The following ASB5 variants were observed in gnomAD, a reference collection of about 807,000 sequenced individuals.
ASB5 encodes the protein ankyrin repeat and SOCS box protein 5.
Under a neutral mutation model 42.1 loss-of-function variants are expected in ASB5, and 45 were observed. The observed-to-expected ratio is 1.07, with a 90% CI of 0.84 to 1.37. The LOEUF (loss-of-function observed/expected upper bound fraction) is 1.37. Among genes scored for constraint, ASB5 ranks in the 40% most tolerant of loss-of-function variants. The pLI, the probability that ASB5 is intolerant of heterozygous loss-of-function variation, is 0.00. For synonymous variants in ASB5, 147 were observed against 150.6 expected, an observed-to-expected ratio of 0.98 and a Z score of 0.18; for missense variants, 402 against 399.8, an observed-to-expected ratio of 1.01 and a Z score of -0.05.
chr4:176,250,829 G>A (rs1026755132), intron 1 of ASB5, among the ~76,000 whole-genome samples: 2 of 152,198 alleles, frequency 1.3e-5, no homozygotes, highest in African/African-American at 2.4e-5. Context: ...AAGATTAAAC[G>A]TGTTTATAAT....
intron 2 of ASB5, among the ~76,000 whole-genome samples, chr4:176,274,909 A>ATTTTTTTTTTTT (rs35690692): frequency 2.8e-5 from 3 of 106,304 alleles, no homozygotes; most frequent in Non-Finnish European, 3.7e-5. Flanking sequence ...CAGCATAGCA[A>ATTTTTTTTTTTT]TTTTTTTTTT....
chr4:176,238,038 G>T (rs1579322442), intron 1 of ASB5, among the ~76,000 whole-genome samples: 1 of 151,844 alleles, frequency 6.6e-6, no homozygotes, highest in Admixed American at 6.6e-5. Context: ...CCTGGCCAAC[G>T]TGGTGAAACC....
intron 1 of ASB5, among the ~76,000 whole-genome samples, chr4:176,263,045 G>C (rs557220047): frequency 4.4e-4 from 67 of 152,300 alleles, no homozygotes; most frequent in African/African-American, 1.5e-3. Flanking sequence ...TATGGGGATG[G>C]ATCTCTCATG....
chr4:176,219,480 A>G (rs867403331), intron 5 of ASB5, among the ~76,000 whole-genome samples: 6 of 73,566 alleles, frequency 8.2e-5, no homozygotes, highest in African/African-American at 2.9e-4. Context: ...TGTATGATAT[A>G]TAAATATATA....
At chr4:176,220,066 G>A (rs1189612680) in intron 5 of ASB5, among the ~76,000 whole-genome samples, 1 of 152,182 alleles carries the variant, frequency 6.6e-6, no homozygotes, top group African/African-American at 2.4e-5. Flanking sequence ...AATGTTTTAA[G>A]AAAGTTTATG....
upstream of ASB5, among the ~76,000 whole-genome samples, chr4:176,272,941 CTTTTTT>C (rs60310080): frequency 1.9e-4 from 21 of 110,960 alleles, no homozygotes; most frequent in Non-Finnish European, 1.4e-4. Flanking sequence ...CTTCGATGAC[CTTTTTT>C]TTTTTTTTTT....
chr4:176,221,619 T>TC lies in ASB5; in HGVS notation c.385-20dup. On this transcript the variant is annotated intron_variant, in intron 3 of 6. Coordinates refer to ENST00000296525, the MANE Select transcript of ASB5 (RefSeq NM_080874.4). Reference sequence around the variant, plus strand: ...CATTTACCTAAACCAAACCAAAATATCCAAACATAAGATTCATAAGTCATA... The same window carrying TC: ...CATTTACCTAAACCAAACCAAAATATCCCAAACATAAGATTCATAAGTCATA... 1.9e-6 allele frequency: 3 copies of TC among 1,584,150 alleles called. No individual in the cohort carries two copies. Among genetic ancestry groups the TC allele is most frequent in the Non-Finnish European group, 2.6e-6 (3 of 1,158,938 alleles).
At position 176,215,585 on chromosome 4, in the gene ASB5, A is replaced by G; in HGVS notation, c.*15T>C. 1 of 1,604,636 alleles carries G rather than the reference A, an allele frequency of 6.2e-7. No homozygotes were observed. Among genetic ancestry groups the G allele is most frequent in the Non-Finnish European group, 8.5e-7 (1 of 1,175,896 alleles). ...AAATTTTGATTTTCAAGGTATTTAG[A>G]ATTACTTTACTGTTTTATCGATACT... is the stretch of plus-strand genomic sequence containing the variant. On this transcript the variant is annotated 3_prime_UTR_variant, in exon 7 of 7. Transcript: ENST00000296525.
chr4:176,256,917 G>A (rs1482776568), intron 1 of ASB5, among the ~76,000 whole-genome samples: 2 of 152,084 alleles, frequency 1.3e-5, no homozygotes, highest in Non-Finnish European at 2.9e-5. Flanking sequence ...AAGAAAAAAA[G>A]AAAAGAAAAA....
At chr4:176,256,965 G>A in intron 1 of ASB5, among the ~76,000 whole-genome samples, 1 of 152,178 alleles carries the variant, frequency 6.6e-6, no homozygotes, top group East Asian at 1.9e-4. Flanking sequence ...CCAGCTGGCA[G>A]AAAGGAGCAG....
chr4:176,221,665 A>C (rs367961175), intron 3 of ASB5, 65 bp from the exon 4 acceptor site: 7 of 1,413,596 alleles, frequency 5.0e-6, no homozygotes, highest in East Asian at 2.3e-5. Flanking sequence ...CGACTTAGGC[A>C]TTGTCAAAAG....
At chr4:176,237,683 G>A in intron 1 of ASB5, 1 of 667,814 alleles carries the variant, frequency 1.5e-6, no homozygotes, top group Non-Finnish European at 1.9e-6. Flanking sequence ...GCTGCAGCCG[G>A]AAGTCTTTAA....
chr4:176,241,199 T>C (rs1753804469), intron 1 of ASB5, among the ~76,000 whole-genome samples: 1 of 152,226 alleles, frequency 6.6e-6, no homozygotes, highest in African/African-American at 2.4e-5. Context: ...CACAGGTTGA[T>C]AATTTTTATT....
chr4:176,222,688 T>A (rs1022179897), intron 2 of ASB5, among the ~76,000 whole-genome samples: 1 of 152,202 alleles, frequency 6.6e-6, no homozygotes, highest in Non-Finnish European at 1.5e-5. Context: ...TTTCTTTAAA[T>A]GTTGCTTTCT....
At chr4:176,230,599 A>G (rs1561256280) in intron 1 of ASB5, among the ~76,000 whole-genome samples, 2 of 152,228 alleles carry the variant, frequency 1.3e-5, no homozygotes, top group Non-Finnish European at 2.9e-5. Context: ...ATCAAAGGAT[A>G]CTACAATGTA....
rs1209114310 is a variant in ASB5 at position 176,221,138 on chromosome 4, G to A, written c.670+17C>T. On this transcript the variant is annotated intron_variant, in intron 5 of 6. Transcript: ENST00000296525. ...TGTGTGTATGGACAGAATGGAAGAT[G>A]TTTTAAAGGAAAATACCAGCATAAA... The A allele has an allele frequency of 1.9e-6, 3 of 1,605,182 alleles. No homozygotes were observed. Among genetic ancestry groups the A allele is most frequent in the East Asian group, 4.5e-5 (2 of 44,858 alleles).
At chr4:176,262,878 A>G (rs1754289453) in intron 1 of ASB5, among the ~76,000 whole-genome samples, 1 of 152,168 alleles carries the variant, frequency 6.6e-6, no homozygotes, top group South Asian at 2.1e-4. Context: ...CTAAACTATC[A>G]CCACCTATGT....
intron 6 of ASB5, among the ~76,000 whole-genome samples, chr4:176,216,596 G>A (rs1001174465): frequency 3.1e-4 from 47 of 152,214 alleles, no homozygotes; most frequent in Admixed American, 2.6e-3. Flanking sequence ...TGATCCACCC[G>A]CCTTGGCCTC....
intron 1 of ASB5, among the ~76,000 whole-genome samples, chr4:176,250,152 A>G (rs561721028): frequency 4.5e-4 from 69 of 152,162 alleles, no homozygotes; most frequent in Non-Finnish European, 5.0e-4. Flanking sequence ...TAAAATAATG[A>G]TGATTACACA....
Sources: allele counts gnomAD v4.1 joint callset (sites outside exome capture counted in the v4.1 genomes callset), GRCh38; gene constraint gnomAD v4.1.1; transcripts MANE v1.5; gene names NCBI Gene and HGNC (gene_info 2026-07-23, HGNC 2026-07-21).